Variants in SCHIP1 observed in about 807,000 individuals in gnomAD.
SCHIP1 encodes schwannomin interacting protein 1, also known as schwannomin-interacting protein 1.
Under a neutral mutation model 29.7 loss-of-function variants are expected in SCHIP1, and 8 were observed. That is an observed-to-expected ratio of 0.27 (90% CI 0.16 to 0.49). SCHIP1 has a LOEUF of 0.49. SCHIP1 is among the 20% of genes least tolerant of loss of function. The pLI is 0.99. For missense variants in SCHIP1, 193 were observed against 294.6 expected (o/e 0.66, Z 2.52); for synonymous variants, 76 against 94.9 (o/e 0.80, Z 1.16).
At chr3:159,816,872 G>T in the SCHIP1 span, among the ~76,000 whole-genome samples, 1 of 151,920 alleles carries the variant, frequency 6.6e-6, no homozygotes, top group Non-Finnish European at 1.5e-5. Context: ...TCTCTTTCTT[G>T]CTCAGTTAAT....
chr3:159,597,727 T>C, the SCHIP1 span, among the ~76,000 whole-genome samples: 2 of 152,212 alleles, frequency 1.3e-5, no homozygotes, highest in African/African-American at 4.8e-5. Flanking sequence ...TGAAGAGTAC[T>C]GCAATAAACA....
At chr3:159,547,250 C>A in the SCHIP1 span, among the ~76,000 whole-genome samples, 1 of 152,094 alleles carries the variant, frequency 6.6e-6, no homozygotes, top group Non-Finnish European at 1.5e-5. Context: ...TCCTTTGTTG[C>A]CCACTTGTTG....
chr3:159,710,190 G>C, the SCHIP1 span, among the ~76,000 whole-genome samples: 1 of 152,106 alleles, frequency 6.6e-6, no homozygotes, highest in African/African-American at 2.4e-5. Flanking sequence ...ACCAACCTAA[G>C]TGACCATCCA....
At chr3:159,836,010 G>C (rs75629783), upstream of SCHIP1, among the ~76,000 whole-genome samples, 8,221 of 152,190 alleles carry the variant, frequency 0.054, 345 homozygotes, top group Non-Finnish European at 0.066. Context: ...CTTGAATTGA[G>C]TTTTAGGTAG....
chr3:159,329,804 A>G, the SCHIP1 span, among the ~76,000 whole-genome samples: 2 of 152,124 alleles, frequency 1.3e-5, no homozygotes, highest in African/African-American at 2.4e-5. Context: ...AATGTTTCCC[A>G]ATTGAAAACT....
At chr3:159,769,721 G>T in the SCHIP1 span, among the ~76,000 whole-genome samples, 4 of 152,198 alleles carry the variant, frequency 2.6e-5, no homozygotes, top group African/African-American at 9.7e-5. Flanking sequence ...TTGCACTCCA[G>T]CCTGGGTGAC....
the SCHIP1 span, among the ~76,000 whole-genome samples, chr3:159,675,026 A>G: frequency 6.6e-6 from 1 of 152,194 alleles, no homozygotes; most frequent in Non-Finnish European, 1.5e-5. Flanking sequence ...CAGGCCACAG[A>G]CTGGTTTGTG....
the SCHIP1 span, among the ~76,000 whole-genome samples, chr3:159,485,648 T>G: frequency 6.6e-6 from 1 of 152,318 alleles, no homozygotes. Flanking sequence ...GTTTGAATTG[T>G]GGCTCTTCCT....
the SCHIP1 span, among the ~76,000 whole-genome samples, chr3:159,386,245 G>A: frequency 6.6e-6 from 1 of 152,046 alleles, no homozygotes; most frequent in Admixed American, 6.6e-5. Context: ...GGTATTTCTG[G>A]TTCTAGATCC....
At chr3:159,860,289 G>A (rs541537934) in intron 1 of SCHIP1, among the ~76,000 whole-genome samples, 1 of 152,322 alleles carries the variant, frequency 6.6e-6, no homozygotes, top group Admixed American at 6.5e-5. Context: ...GTAAAAGACA[G>A]AGAAAGAGCA....
the SCHIP1 span, among the ~76,000 whole-genome samples, chr3:159,507,683 T>G: frequency 4.9e-4 from 74 of 152,372 alleles, no homozygotes; most frequent in African/African-American, 1.6e-3. Context: ...TGAAGGGTTG[T>G]TGAATTTTGT....
chr3:159,660,710 G>T, the SCHIP1 span, among the ~76,000 whole-genome samples: 124 of 152,282 alleles, frequency 8.1e-4, no homozygotes, highest in Middle Eastern at 6.8e-3. Context: ...ATCTCAGGAA[G>T]TCTATGAATT....
chr3:159,486,488 A>T, the SCHIP1 span, among the ~76,000 whole-genome samples: 1 of 152,082 alleles, frequency 6.6e-6, no homozygotes, highest in Non-Finnish European at 1.5e-5. Flanking sequence ...TAAGATTAAT[A>T]TTTCACTGGT....
the SCHIP1 span, among the ~76,000 whole-genome samples, chr3:159,293,786 T>C: frequency 1.3e-5 from 2 of 152,138 alleles, no homozygotes; most frequent in African/African-American, 2.4e-5. Context: ...TCAATAGTTA[T>C]AGGGCAAAAA....
the SCHIP1 span, chr3:159,721,605 GA>G: frequency 5.1e-6 from 1 of 197,984 alleles, no homozygotes; most frequent in South Asian, 9.7e-5. Context: ...TTGCCATTTG[GA>G]AAGGACCACT....
chr3:159,372,482 A>G, the SCHIP1 span, among the ~76,000 whole-genome samples: 1 of 152,204 alleles, frequency 6.6e-6, no homozygotes, highest in East Asian at 1.9e-4. Context: ...GATTTTAAAT[A>G]TTTTAGAATA....
chr3:159,681,091 T>C, the SCHIP1 span, among the ~76,000 whole-genome samples: 1 of 152,052 alleles, frequency 6.6e-6, no homozygotes, highest in African/African-American at 2.4e-5. Flanking sequence ...ACGGGTCCCA[T>C]GTTTTAATCA....
the SCHIP1 span, among the ~76,000 whole-genome samples, chr3:159,301,375 AC>A: frequency 6.6e-6 from 1 of 151,626 alleles, no homozygotes; most frequent in African/African-American, 2.4e-5. Context: ...ACTTAACACG[AC>A]TTTTTTTTCT....
At chr3:159,515,828 A>C in the SCHIP1 span, among the ~76,000 whole-genome samples, 1 of 152,198 alleles carries the variant, frequency 6.6e-6, no homozygotes, top group South Asian at 2.1e-4. Flanking sequence ...CAGGCACAGG[A>C]GATATGGTAG....
Sources: allele counts gnomAD v4.1 joint callset (sites outside exome capture counted in the v4.1 genomes callset), GRCh38; gene constraint gnomAD v4.1.1; transcripts MANE v1.5; gene names NCBI Gene and HGNC (gene_info 2026-07-23, HGNC 2026-07-21).